The following PLCXD3 variants were observed in gnomAD, a reference collection of about 807,000 sequenced individuals.
PLCXD3 encodes phosphatidylinositol specific phospholipase C X domain containing 3, also known as PI-PLC X domain-containing protein 3.
Under a neutral mutation model 25.5 loss-of-function variants are expected in PLCXD3, and 19 were observed. The observed-to-expected ratio is 0.75, with a 90% confidence interval of 0.52 to 1.09. The LOEUF is 1.09. Ranked by LOEUF, PLCXD3 falls within the 50% of genes least tolerant of loss-of-function variation. The pLI is 0.00. For synonymous variants in PLCXD3, 174 were observed against 137.6 expected (o/e 1.26, Z -1.85); for missense variants, 411 against 388.1 (o/e 1.06, Z -0.50).
At chr5:41,405,612 T>C (rs932366993) in intron 1 of PLCXD3, among the ~76,000 whole-genome samples, 1 of 152,162 alleles carries the variant, frequency 6.6e-6, no homozygotes, top group African/African-American at 2.4e-5. Flanking sequence ...TATAATTCCC[T>C]GTTCCCACTG....
intron 1 of PLCXD3, among the ~76,000 whole-genome samples, chr5:41,473,697 C>G (rs1748220950): frequency 6.6e-6 from 1 of 152,082 alleles, no homozygotes; most frequent in South Asian, 2.1e-4. Context: ...ACCTCGTGAT[C>G]TGCTGGCCTC....
At chr5:41,391,316 CT>C (rs1354231942) in intron 1 of PLCXD3, among the ~76,000 whole-genome samples, 4 of 152,088 alleles carry the variant, frequency 2.6e-5, no homozygotes, top group African/African-American at 9.7e-5. Flanking sequence ...CTTCCTTTGT[CT>C]TGAGGAAAGG....
chr5:41,409,662 A>G lies in PLCXD3; in HGVS notation c.104-27128T>C, dbSNP rs140097236. Among the ~76,000 whole-genome samples the G allele has an allele frequency of 6.9e-3, 1,050 of 152,282 alleles. 8 individuals carry two copies. Among genetic ancestry groups the G allele is most frequent in the Non-Finnish European group, 0.01 (701 of 68,018 alleles). On this transcript the variant is annotated intron_variant, in intron 1 of 2. Coordinates refer to ENST00000377801, the MANE Select transcript of PLCXD3 (RefSeq NM_001005473.3). ...CTCTCCCCACTAGCATTTAAATTCCATGAGAATTAGTATAGAATCTGTCTT... is the reference window on the plus strand; with the variant it reads ...CTCTCCCCACTAGCATTTAAATTCCGTGAGAATTAGTATAGAATCTGTCTT...
At chr5:41,456,842 G>A (rs1489464376) in intron 1 of PLCXD3, among the ~76,000 whole-genome samples, 1 of 151,958 alleles carries the variant, frequency 6.6e-6, no homozygotes, top group African/African-American at 2.4e-5. Flanking sequence ...CTTGATCTAA[G>A]ATTTCTCAGC....
intron 1 of PLCXD3, among the ~76,000 whole-genome samples, chr5:41,506,936 T>C (rs1409557430): frequency 2.6e-5 from 4 of 152,088 alleles, no homozygotes; most frequent in Admixed American, 2.6e-4. Flanking sequence ...TATTATTTCA[T>C]GGTCAGTTTG....
intron 2 of PLCXD3, among the ~76,000 whole-genome samples, chr5:41,347,073 AC>A (rs1197781916): frequency 1.1e-4 from 17 of 152,204 alleles, no homozygotes; most frequent in Non-Finnish European, 2.5e-4. Flanking sequence ...TTTGTAAAAA[AC>A]TGCAAAACTG....
chr5:41,436,095 G>C (rs1316165309), intron 1 of PLCXD3, among the ~76,000 whole-genome samples: 2 of 152,152 alleles, frequency 1.3e-5, no homozygotes, highest in African/African-American at 4.8e-5. Flanking sequence ...GCACACACCA[G>C]GTGAGATATA....
intron 2 of PLCXD3, among the ~76,000 whole-genome samples, chr5:41,344,051 A>G (rs1254074438): frequency 1.3e-5 from 2 of 152,138 alleles, no homozygotes; most frequent in Non-Finnish European, 2.9e-5. Flanking sequence ...CATTATCTTG[A>G]ACTGAAAAAG....
rs114778070 is a variant in PLCXD3, at chr5:41,439,071, G to A, written c.104-56537C>T. ...TGTCGTAGTTTACGGTGGAGCTCAC[G>A]GACACTTCCTGATATTCCTGATATT... is the stretch of plus-strand genomic sequence containing the variant. On this transcript the variant is annotated intron_variant, in intron 1 of 2. Coordinates refer to ENST00000377801, the MANE Select transcript of PLCXD3 (RefSeq NM_001005473.3). Among the ~76,000 whole-genome samples the A allele has an allele frequency of 7.1e-3, 1,075 of 152,214 alleles. 13 individuals are homozygous for A. The highest frequency in any genetic ancestry group is 0.021 in the African/African-American group (862 of 41,530).
chr5:41,427,061 T>C (rs1746975398), intron 1 of PLCXD3, among the ~76,000 whole-genome samples: 1 of 152,166 alleles, frequency 6.6e-6, no homozygotes, highest in African/African-American at 2.4e-5. Context: ...CTTTGCTGAT[T>C]TGCAATTACA....
intron 2 of PLCXD3, among the ~76,000 whole-genome samples, chr5:41,377,788 C>T (rs1235288919): frequency 6.6e-6 from 1 of 151,994 alleles, no homozygotes; most frequent in Admixed American, 6.6e-5. Flanking sequence ...TTTTGTTAAT[C>T]CAAATATTAG....
chr5:41,445,135 G>T (rs1441837346), intron 1 of PLCXD3, among the ~76,000 whole-genome samples: 1 of 152,154 alleles, frequency 6.6e-6, no homozygotes, highest in Non-Finnish European at 1.5e-5. Context: ...TAATATTATA[G>T]TGCTGAGCAC....
chr5:41,366,139 G>A (rs1339363676), intron 2 of PLCXD3, among the ~76,000 whole-genome samples: 1 of 151,708 alleles, frequency 6.6e-6, no homozygotes, highest in Non-Finnish European at 1.5e-5. Context: ...TCCCCACCCT[G>A]TGTCCAAGTA....
At position 41,500,243 on chromosome 5, in the gene PLCXD3, CA is replaced by C. The variant is rs200160485; in HGVS notation, c.103+10180del. Among the ~76,000 whole-genome samples the C allele has an allele frequency of 2.0e-5, 3 of 151,670 alleles. No individual in the cohort carries two copies. The East Asian group carries it at 5.8e-4, about 29-fold the overall frequency. The stretch of plus-strand genomic sequence containing the variant: ...AATAGAATACTATAATATTCAGCCA[CA>C]AAAAATAATAAGGTCGCTTCTTTTG... On this transcript the variant is annotated intron_variant, in intron 1 of 2. Coordinates refer to ENST00000377801, the MANE Select transcript of PLCXD3 (RefSeq NM_001005473.3).
intron 1 of PLCXD3, among the ~76,000 whole-genome samples, chr5:41,405,955 G>A (rs139304633): frequency 5.5e-4 from 83 of 152,108 alleles, no homozygotes; most frequent in Middle Eastern, 3.4e-3. Context: ...AAAATTGACC[G>A]GTCACTGTCT....
intron 1 of PLCXD3, among the ~76,000 whole-genome samples, chr5:41,457,031 T>C (rs1284450675): frequency 6.6e-6 from 1 of 151,890 alleles, no homozygotes; most frequent in African/African-American, 2.4e-5. Context: ...CAGGAAAACA[T>C]ACATACCCAA....
chr5:41,491,113 C>T (rs970060192), intron 1 of PLCXD3, among the ~76,000 whole-genome samples: 5 of 152,174 alleles, frequency 3.3e-5, no homozygotes, highest in South Asian at 4.1e-4. Context: ...TGAATGTGTC[C>T]CAGAGATTGT....
chr5:41,446,537 C>CTTT (rs11306494), intron 1 of PLCXD3, among the ~76,000 whole-genome samples: 2 of 145,616 alleles, frequency 1.4e-5, no homozygotes, highest in African/African-American at 5.1e-5. Context: ...GTGCTAGTTT[C>CTTT]TTTTTTTTTT....
chr5:41,407,343 A>G lies in PLCXD3; in HGVS notation c.104-24809T>C, dbSNP rs186298293. On this transcript the variant is annotated intron_variant, in intron 1 of 2. Transcript: ENST00000377801. ...CTCAAAATACTTCTACTTGATTTGG[A>G]AGATAGTTCAAATTGTGAATACATG... 3.5e-4 allele frequency among the ~76,000 whole-genome samples: 54 copies of G among 152,324 alleles called. 1 individual carries two copies. The highest frequency in any genetic ancestry group is 8.8e-5 in the Non-Finnish European group (6 of 68,022).
Sources: allele counts gnomAD v4.1 joint callset (sites outside exome capture counted in the v4.1 genomes callset), GRCh38; gene constraint gnomAD v4.1.1; transcripts MANE v1.5; gene names NCBI Gene and HGNC (gene_info 2026-07-23, HGNC 2026-07-21).